Variants in SEZ6L observed in about 807,000 individuals in gnomAD.
SEZ6L encodes the protein seizure related 6 homolog like, also known as seizure 6-like protein.
In SEZ6L, 37 loss-of-function variants were observed where a neutral mutation model predicts 106.2. That is an observed-to-expected ratio of 0.35 (90% CI 0.27 to 0.46). SEZ6L has a LOEUF of 0.46. Ranked by LOEUF, SEZ6L falls within the 20% of genes least tolerant of loss-of-function variation. The pLI is 1.00. For missense variants in SEZ6L, 1,172 were observed against 1,332.8 expected (o/e 0.88, Z 1.88); for synonymous variants, 541 against 570.4 (o/e 0.95, Z 0.73).
intron 1 of SEZ6L, among the ~76,000 whole-genome samples, chr22:26,230,017 G>A (rs1468640297): frequency 2.0e-5 from 3 of 152,074 alleles, no homozygotes; most frequent in Admixed American, 2.0e-4. Context: ...TAATCTCCTG[G>A]GCACAGCATC....
At chr22:26,187,923 G>T (rs1939897585) in intron 1 of SEZ6L, among the ~76,000 whole-genome samples, 1 of 152,156 alleles carries the variant, frequency 6.6e-6, no homozygotes, top group South Asian at 2.1e-4. Flanking sequence ...GAACCAATTT[G>T]GAAGCCCTGT....
intron 9 of SEZ6L, 69 bp from the exon 10 acceptor site, chr22:26,340,367 G>A: frequency 6.9e-7 from 1 of 1,449,122 alleles, no homozygotes; most frequent in Non-Finnish European, 9.3e-7. Flanking sequence ...GCCTGAAAAA[G>A]TTAATCAAGG....
At chr22:26,315,250 C>T (rs1365306431) in intron 9 of SEZ6L, among the ~76,000 whole-genome samples, 1 of 152,144 alleles carries the variant, frequency 6.6e-6, no homozygotes, top group Non-Finnish European at 1.5e-5. Context: ...GAGGTTGAGG[C>T]AGGAGGATTG....
intron 8 of SEZ6L, among the ~76,000 whole-genome samples, chr22:26,313,542 A>G (rs2081905346): frequency 6.6e-6 from 1 of 151,502 alleles, no homozygotes; most frequent in African/African-American, 2.4e-5. Flanking sequence ...GGTGCAAGGT[A>G]GGCAGCTGGC....
At chr22:26,258,731 A>C (rs9613144) in intron 1 of SEZ6L, among the ~76,000 whole-genome samples, 32,467 of 152,114 alleles carry the variant, frequency 0.21, 3,711 homozygotes, top group African/African-American at 0.27. Context: ...ATTCTCTATA[A>C]CTGAATTATA....
chr22:26,336,076 G>A (rs960231806), intron 9 of SEZ6L, among the ~76,000 whole-genome samples: 1 of 152,166 alleles, frequency 6.6e-6, no homozygotes, highest in Non-Finnish European at 1.5e-5. Context: ...ATCGATGTTA[G>A]TAGATGATGC....
chr22:26,185,199 A>T (rs1423415046), intron 1 of SEZ6L, among the ~76,000 whole-genome samples: 1 of 152,222 alleles, frequency 6.6e-6, no homozygotes, highest in African/African-American at 2.4e-5. Flanking sequence ...GAGCTGGGGG[A>T]TTCTGAGAGC....
chr22:26,237,029 C>T (rs2078976932), intron 1 of SEZ6L, among the ~76,000 whole-genome samples: 1 of 152,184 alleles, frequency 6.6e-6, no homozygotes, highest in South Asian at 2.1e-4. Context: ...CCAGGCTGGG[C>T]TAGCTGCCAG....
chr22:26,178,021 T>G (rs1159132436), intron 1 of SEZ6L, among the ~76,000 whole-genome samples: 1 of 152,056 alleles, frequency 6.6e-6, no homozygotes, highest in Non-Finnish European at 1.5e-5. Context: ...TCAAGAAAAA[T>G]GGAATCCCTA....
chr22:26,334,610 T>C (rs754721962), intron 9 of SEZ6L, among the ~76,000 whole-genome samples: 54 of 151,992 alleles, frequency 3.6e-4, no homozygotes, highest in Non-Finnish European at 1.0e-4. Context: ...CAGGTGAGGA[T>C]GAAGTCAGGA....
intron 5 of SEZ6L, 31 bp from the exon 6 acceptor site, chr22:26,305,948 C>T (rs1262810926): frequency 2.7e-5 from 35 of 1,272,758 alleles, no homozygotes; most frequent in Non-Finnish European, 3.8e-5. Context: ...TCTGCTCTCT[C>T]CCATTGCCCA....
chr22:26,366,290 C>T (rs965524987), intron 13 of SEZ6L, among the ~76,000 whole-genome samples: 2 of 151,734 alleles, frequency 1.3e-5, no homozygotes, highest in Admixed American at 6.6e-5. Flanking sequence ...GCCGAGGTGG[C>T]TCCACTGCAC....
chr22:26,176,901 A>AT (rs1347725308), intron 1 of SEZ6L, among the ~76,000 whole-genome samples: 1 of 152,048 alleles, frequency 6.6e-6, no homozygotes, highest in East Asian at 1.9e-4. Flanking sequence ...CCCTTATCAC[A>AT]TTTTATCCCT....
At chr22:26,190,105 AAAG>A (rs1462722096) in intron 1 of SEZ6L, among the ~76,000 whole-genome samples, 4 of 151,782 alleles carry the variant, frequency 2.6e-5, no homozygotes, top group Non-Finnish European at 5.9e-5. Context: ...TAAAAAAAAA[AAAG>A]AAGAAAGAAA....
chr22:26,326,386 C>G (rs1326126897), intron 9 of SEZ6L, among the ~76,000 whole-genome samples: 1 of 152,166 alleles, frequency 6.6e-6, no homozygotes, highest in Non-Finnish European at 1.5e-5. Flanking sequence ...TACCATGTGG[C>G]TAGAGTTGCA....
intron 10 of SEZ6L, among the ~76,000 whole-genome samples, chr22:26,342,087 C>T (rs768013309): frequency 2.5e-4 from 38 of 152,216 alleles, no homozygotes; most frequent in Non-Finnish European, 5.1e-4. Flanking sequence ...TTCCTCCACC[C>T]CCAATATTTT....
chr22:26,300,965 T>A (rs1164996204), intron 5 of SEZ6L, among the ~76,000 whole-genome samples: 1 of 152,266 alleles, frequency 6.6e-6, no homozygotes, highest in Non-Finnish European at 1.5e-5. Context: ...CTTTTACATT[T>A]GGCAAAATTA....
chr22:26,346,151 C>T (rs79920491), intron 10 of SEZ6L, among the ~76,000 whole-genome samples: 3,629 of 152,198 alleles, frequency 0.024, 154 homozygotes, highest in African/African-American at 0.083. Flanking sequence ...CCTCAGCCTC[C>T]TGAGCAGCTG....
chr22:26,271,748 C>T (rs917320160), intron 1 of SEZ6L, among the ~76,000 whole-genome samples: 1 of 152,202 alleles, frequency 6.6e-6, no homozygotes, highest in Admixed American at 6.5e-5. Context: ...TGGCACCATG[C>T]TTTCTGTACA....
Sources: gnomAD v4.1 joint callset for allele counts (sites outside exome capture counted in the v4.1 genomes callset) on GRCh38, gnomAD v4.1.1 for gene constraint, MANE v1.5 for transcripts, NCBI Gene and HGNC (gene_info 2026-07-23, HGNC 2026-07-21) for gene names.